The following HOMEZ variants were observed in gnomAD, a reference collection of about 807,000 sequenced individuals.
HOMEZ encodes homeobox and leucine zipper protein Homez.
In HOMEZ, 20 loss-of-function variants were observed where a neutral mutation model predicts 50.1. The ratio of observed to expected loss-of-function variants is 0.40; its 90% CI spans 0.28 to 0.58. The LOEUF (loss-of-function observed/expected upper bound fraction) is 0.58, where lower values mean the gene tolerates loss of function less well. Ranked by LOEUF, HOMEZ falls within the 20% of genes least tolerant of loss-of-function variation. The pLI is 0.46. For synonymous variants in HOMEZ, 239 were observed against 254.7 expected (o/e 0.94, Z 0.59); for missense variants, 579 against 680.5 (o/e 0.85, Z 1.66).
chr14:23,282,868 C>T (rs1290269682), intron 1 of HOMEZ, among the ~76,000 whole-genome samples: 2 of 152,190 alleles, frequency 1.3e-5, no homozygotes, highest in Admixed American at 1.3e-4. Flanking sequence ...ACACAAAACA[C>T]CAGTTATGGA....
intron 1 of HOMEZ, among the ~76,000 whole-genome samples, chr14:23,279,640 A>G (rs560720452): frequency 2.0e-5 from 3 of 152,362 alleles, no homozygotes; most frequent in African/African-American, 7.2e-5. Context: ...ATACTGACAT[A>G]TTGATTCTTT....
In HOMEZ at chr14:23,275,635, CTCT is replaced by C. The variant is rs898438760; in HGVS notation, c.1590_1592del (p.Glu537del). The C allele has an allele frequency of 7.3e-7, 1 of 1,371,194 alleles. No individual in the cohort carries two copies. The allele number at this position is 1,371,194 out of a possible 1,614,324, so 84.9% of individuals were successfully genotyped here. A position where few individuals can be genotyped will look rare whatever the true frequency, so the allele number is the denominator to read the frequency against. ...CATCATCTTCCTCCTCCTCCTCCTC[CTCT>C]TCCTCATCATCTTCTGGCAGTTCTT... On this transcript the variant is annotated inframe_deletion, in exon 2 of 2. Transcript: ENST00000357460.
At position 23,272,848 on chromosome 14, in the gene HOMEZ, T is replaced by C. The variant is rs1886213918; in HGVS notation, c.*2727A>G. ...ACTCTCTACCAACAACGGAGGCATA[T>C]GGGATTACCCAGTGGGAGAGAAGCA... On this transcript the variant is annotated 3_prime_UTR_variant, in exon 2 of 2. Transcript: ENST00000357460. 2 of 1,549,228 alleles carry C rather than the reference T, an allele frequency of 1.3e-6. No individual in the cohort carries two copies. The highest frequency in any genetic ancestry group is 1.7e-6 in the Non-Finnish European group (2 of 1,146,060).
Position 23,276,902 on chromosome 14 carries a change from C to T in HOMEZ, c.326G>A (p.Arg109His), listed in dbSNP as rs755113250. The T allele has an allele frequency of 6.8e-6, 11 of 1,613,930 alleles. No homozygotes were observed. The highest frequency in any genetic ancestry group is 4.5e-5 in the East Asian group (2 of 44,908). ...VKTWFMAQRL[R>H]CGISWSSEEI... is the part of the protein sequence containing the mutation. ...TTCAGATGACCAGCTAATACCACAG[C>T]GGAGGCGCTGGGCCATAAACCAAGT... The change falls in exon 2 of 2, where the codon CGC (arginine) becomes CAC (histidine). Residue 109 changes from arginine (R) to histidine (H), a missense_variant. Arg to His is a conservative substitution (Grantham distance 29, BLOSUM62 0). Transcript: ENST00000357460. The surrounding 1 kb of genome is among the most constrained non-coding windows in gnomAD (Gnocchi z 4.1).
rs1384699422 is a variant in HOMEZ, at chr14:23,275,808, G to A, written c.1420C>T (p.Gln474Ter). The A allele has an allele frequency of 1.2e-6, 2 of 1,609,866 alleles. No individual in the cohort carries two copies. Among genetic ancestry groups the A allele is most frequent in the South Asian group, 1.1e-5 (1 of 90,342 alleles). ...QPLERYWAAH[Q>*]QLRETDIPQL... ...GGGATATCAGTTTCCCGTAGCTGTT[G>A]GTGGGCTGCCCAGTACCTCTCCAAG... is the stretch of plus-strand genomic sequence containing the variant. The change falls in exon 2 of 2, where the codon CAA becomes TAA. Residue 474 changes from glutamine to a stop codon, truncating the protein, a stop_gained. Coordinates refer to ENST00000357460, the MANE Select transcript of HOMEZ (RefSeq NM_020834.3). LOFTEE classifies it high-confidence loss of function.
rs1886357019 is a variant in HOMEZ at position 23,276,355 on chromosome 14, AGAAGAAGAGGTAGAG to A, written c.858_872del (p.Ser287_Ser291del). On this transcript the variant is annotated inframe_deletion, in exon 2 of 2. Transcript: ENST00000357460. The surrounding 1 kb of genome is among the most constrained non-coding windows in gnomAD (Gnocchi z 4.1). ...TAGCTCCATTAGCCAGTACCTGGAA[AGAAGAAGAGGTAGAG>A]GAAGAAGAGGGAGTAACACTAGATG... is the stretch of plus-strand genomic sequence containing the variant. 6 of 1,613,838 alleles carry A rather than the reference AGAAGAAGAGGTAGAG, an allele frequency of 3.7e-6. No homozygotes were observed. The South Asian group carries it at 5.5e-5, about 15-fold the overall frequency.
intron 1 of HOMEZ, among the ~76,000 whole-genome samples, chr14:23,280,716 T>TTTTA (rs1886503534): frequency 2.1e-4 from 12 of 57,906 alleles, no homozygotes; most frequent in Admixed American, 6.0e-4. Context: ...TTTATTTTTA[T>TTTTA]TTTATTTTAT....
intron 1 of HOMEZ, 29 bp from the exon 2 acceptor site, chr14:23,277,216 A>T: frequency 6.7e-7 from 1 of 1,496,388 alleles, no homozygotes; most frequent in South Asian, 1.3e-5. Context: ...CAGCTCAATC[A>T]CTGGGTCTCC....
At chr14:23,280,525 C>T (rs767977762) in intron 1 of HOMEZ, among the ~76,000 whole-genome samples, 2 of 151,924 alleles carry the variant, frequency 1.3e-5, no homozygotes, top group Non-Finnish European at 2.9e-5. Flanking sequence ...ATGGGGACTG[C>T]AGGAATAGCC....
intron 1 of HOMEZ, among the ~76,000 whole-genome samples, chr14:23,284,260 G>C (rs748856109): frequency 6.6e-6 from 1 of 152,210 alleles, no homozygotes; most frequent in Non-Finnish European, 1.5e-5. Flanking sequence ...AAGATGAACA[G>C]TTTGATGTGA....
At chr14:23,279,535 G>GAA (rs1305490179) in intron 1 of HOMEZ, among the ~76,000 whole-genome samples, 3 of 152,208 alleles carry the variant, frequency 2.0e-5, no homozygotes, top group Non-Finnish European at 2.9e-5. Flanking sequence ...TCAGGGCAGA[G>GAA]CAGGTAATCG....
chr14:23,277,071 G>A lies in HOMEZ; in HGVS notation c.157C>T (p.Leu53Phe), dbSNP rs542886615. The change falls in exon 2 of 2, where the codon CTT becomes TTT. Residue 53 changes from leucine to phenylalanine, a missense_variant. Transcript: ENST00000357460. ...GTCTGGGCTGCTTGCGTCCACACAA[G>A]CTGTAGCTCCTCAGAGATTGGAGGG... ...CLPPISEELQLVWTQAAQTSE... is the reference protein window; with the variant it reads ...CLPPISEELQFVWTQAAQTSE... The A allele has an allele frequency of 6.2e-7, 1 of 1,614,048 alleles. No individual in the cohort carries two copies. The highest frequency in any genetic ancestry group is 1.7e-5 in the Admixed American group (1 of 60,032).
Position 23,285,925 on chromosome 14 carries a change from C to G in HOMEZ, c.28G>C (p.Gly10Arg). The change falls in exon 1 of 2, where the codon GGG becomes CGG. Residue 10 changes from glycine to arginine, a missense_variant. By Grantham distance (125) the Gly-to-Arg change is moderately radical. Coordinates refer to ENST00000357460, the MANE Select transcript of HOMEZ (RefSeq NM_020834.3). ...GGGGATCACTCACCGCAGTCCAGCC[C>G]GGGCGGCGGCTCCCAGCCTCGCACC... MVRGWEPPPGLDCAISEGHK... is the reference protein window; with the variant it reads MVRGWEPPPRLDCAISEGHK... The G allele has an allele frequency of 8.0e-7, 1 of 1,246,786 alleles. No homozygotes were observed. The highest frequency in any genetic ancestry group is 2.1e-4 in the Middle Eastern group (1 of 4,728). 77.2% of individuals were successfully genotyped at this position (1,246,786 alleles called of 1,614,324 possible). A position where few individuals can be genotyped will look rare whatever the true frequency, so the allele number is the denominator to read the frequency against.
In HOMEZ at chr14:23,285,981, G is replaced by A. The variant is rs1886655209; in HGVS notation, c.-29C>T. The A allele has an allele frequency of 8.1e-7, 1 of 1,236,856 alleles. No individual in the cohort carries two copies. The highest frequency in any genetic ancestry group is 1.0e-6 in the Non-Finnish European group (1 of 984,780). The allele number at this position is 1,236,856 out of a possible 1,614,324, so 76.6% of individuals were successfully genotyped here. On this transcript the variant is annotated 5_prime_UTR_variant, in exon 1 of 2. Coordinates refer to ENST00000357460, the MANE Select transcript of HOMEZ (RefSeq NM_020834.3). ...CCGGGGGGAAGTGGGGGAGAGGGCA[G>A]GGGGCCTCCGAGTGGGAGTGGGGTT... is the stretch of plus-strand genomic sequence containing the variant.
chr14:23,283,930 T>A (rs931605842), intron 1 of HOMEZ, among the ~76,000 whole-genome samples: 41 of 152,104 alleles, frequency 2.7e-4, no homozygotes, highest in African/African-American at 9.7e-4. Context: ...AGATGAGATA[T>A]GATCCTTTAG....
Position 23,272,627 on chromosome 14 carries a change from A to G in HOMEZ, c.*2948T>C, listed in dbSNP as rs963760200. The G allele has an allele frequency of 6.7e-6, 4 of 596,784 alleles. No individual in the cohort carries two copies. Among genetic ancestry groups the G allele is most frequent in the Non-Finnish European group, 1.2e-5 (4 of 336,958 alleles). 37.0% of individuals were successfully genotyped at this position (596,784 alleles called of 1,614,324 possible). A position where few individuals can be genotyped will look rare whatever the true frequency, so the allele number is the denominator to read the frequency against. ...ATTATTATCACCATAAGCTACTGAAATGTTCCAGAGATTGTCACACTAGAT... is the reference window on the plus strand; with the variant it reads ...ATTATTATCACCATAAGCTACTGAAGTGTTCCAGAGATTGTCACACTAGAT... On this transcript the variant is annotated 3_prime_UTR_variant, in exon 2 of 2. Coordinates refer to ENST00000357460, the MANE Select transcript of HOMEZ (RefSeq NM_020834.3).
rs1886510447 is a variant in HOMEZ at position 23,280,728 on chromosome 14, T to TTATTTTATTTTATTTTATTTTATTG, written c.41-3542_41-3541insCAATAAAATAAAATAAAATAAAATA. ...ATTTTTATTTTTATTTTATTTTATTTTATTTTATTTTATTATTTTATTTTA... is the reference window on the plus strand; with the variant it reads ...ATTTTTATTTTTATTTTATTTTATTTTATTTTATTTTATTTTATTTTATTGTATTTTATTTTATTATTTTATTTTA... On this transcript the variant is annotated intron_variant, in intron 1 of 1. Coordinates refer to ENST00000357460, the MANE Select transcript of HOMEZ (RefSeq NM_020834.3). 4.8e-5 allele frequency among the ~76,000 whole-genome samples: 3 copies of TTATTTTATTTTATTTTATTTTATTG among 62,798 alleles called. 1 individual carries two copies. The East Asian group carries it at 1.3e-3, about 26-fold the overall frequency. 41.2% of individuals were successfully genotyped at this position (62,798 alleles called of 152,430 possible).
rs1328642451 is a variant in HOMEZ at position 23,273,024 on chromosome 14, C to T, written c.*2551G>A. ...GTTTCACTCTGTACCTTATGCTCCC[C>T]CCATCTTTACCCTATTCACCCTTAT... On this transcript the variant is annotated 3_prime_UTR_variant, in exon 2 of 2. Coordinates refer to ENST00000357460, the MANE Select transcript of HOMEZ (RefSeq NM_020834.3). 7.2e-6 allele frequency: 4 copies of T among 551,922 alleles called. No homozygotes were observed. Among genetic ancestry groups the T allele is most frequent in the Non-Finnish European group, 1.3e-5 (4 of 315,472 alleles). 34.2% of individuals were successfully genotyped at this position (551,922 alleles called of 1,614,324 possible).
chr14:23,277,001 T>C lies in HOMEZ; in HGVS notation c.227A>G (p.Tyr76Cys), dbSNP rs1435376523. 6.2e-7 allele frequency: 1 copy of C among 1,613,928 alleles called. No homozygotes were observed. Among genetic ancestry groups the C allele is most frequent in the African/African-American group, 1.3e-5 (1 of 74,934 alleles). ...GTCTGCTAGGCTGGGATAGGGAAAG[T>C]AGCTGAAGGTTTTGAGCAGGTGTTC... ...SNEHLLKTFS[Y>C]FPYPSLADIA... The change falls in exon 2 of 2, where the codon TAC (tyrosine) becomes TGC (cysteine). Residue 76 changes from tyrosine to cysteine, a missense_variant. By Grantham distance (194) the Tyr-to-Cys change is radical. Transcript: ENST00000357460.
Sources: allele counts gnomAD v4.1 joint callset (sites outside exome capture counted in the v4.1 genomes callset), GRCh38; gene constraint gnomAD v4.1.1; non-coding constraint Gnocchi (gnomAD v3.1); transcripts MANE v1.5; gene names NCBI Gene and HGNC (gene_info 2026-07-23, HGNC 2026-07-21).